Variants in SLC16A1 observed in about 807,000 individuals in gnomAD.
The protein encoded by SLC16A1 is solute carrier family 16 member 1, also known as monocarboxylate transporter 1.
SLC16A1 carries 11 observed loss-of-function variants against 32.2 expected under a neutral mutation model. The observed-to-expected ratio is 0.34, with a 90% confidence interval of 0.21 to 0.56. The LOEUF (loss-of-function observed/expected upper bound fraction) is 0.56, where lower values mean the gene tolerates loss of function less well. Among genes scored for constraint, SLC16A1 ranks in the 20% least tolerant of loss-of-function variants. The pLI is 0.87. For missense variants in SLC16A1, 435 were observed against 615.0 expected, an observed-to-expected ratio of 0.71 and a Z score of 3.10; for synonymous variants, 231 against 226.8, an observed-to-expected ratio of 1.02 and a Z score of -0.17.
intron 1 of SLC16A1, among the ~76,000 whole-genome samples, chr1:112,947,250 C>T (rs1034291202): frequency 5.9e-5 from 9 of 152,198 alleles, no homozygotes; most frequent in African/African-American, 1.9e-4. Flanking sequence ...TTTATTAACA[C>T]ATAACCTACC....
At chr1:112,925,769 A>G (rs1648917958) in intron 2 of SLC16A1, among the ~76,000 whole-genome samples, 3 of 152,240 alleles carry the variant, frequency 2.0e-5, no homozygotes, top group Non-Finnish European at 4.4e-5. Context: ...TTATCCAAAC[A>G]TAGAGTCTAT....
intron 3 of SLC16A1, among the ~76,000 whole-genome samples, chr1:112,919,989 C>T (rs1648664607): frequency 6.6e-6 from 1 of 152,098 alleles, no homozygotes; most frequent in Non-Finnish European, 1.5e-5. Flanking sequence ...AAGAGTGTAA[C>T]TGCCTGACTT....
chr1:112,927,497 G>A (rs2101632022), intron 2 of SLC16A1, among the ~76,000 whole-genome samples: 1 of 152,252 alleles, frequency 6.6e-6, no homozygotes, highest in African/African-American at 2.4e-5. Context: ...TTGTAAAAGT[G>A]ATGAAAACTA....
chr1:112,944,339 C>A (rs1428834725), intron 1 of SLC16A1, among the ~76,000 whole-genome samples: 1 of 152,126 alleles, frequency 6.6e-6, no homozygotes, highest in East Asian at 1.9e-4. Flanking sequence ...GTGGTCCCAG[C>A]TACATGGGAG....
At chr1:112,931,122 A>G (rs1649114037) in intron 1 of SLC16A1, among the ~76,000 whole-genome samples, 1 of 152,154 alleles carries the variant, frequency 6.6e-6, no homozygotes, top group Non-Finnish European at 1.5e-5. Context: ...GACTTAACAT[A>G]CTAGGAAGTG....
At chr1:112,933,767 TG>T (rs1649215553) in intron 1 of SLC16A1, among the ~76,000 whole-genome samples, 1 of 152,216 alleles carries the variant, frequency 6.6e-6, no homozygotes, top group Non-Finnish European at 1.5e-5. Flanking sequence ...ATAAAGCCAA[TG>T]GAACTCTCAT....
chr1:112,920,509 G>A (rs1011811047), intron 3 of SLC16A1, among the ~76,000 whole-genome samples: 4 of 152,162 alleles, frequency 2.6e-5, no homozygotes, highest in South Asian at 4.1e-4. Flanking sequence ...GGGAGGCTGC[G>A]GCAGGAGAAT....
chr1:112,952,579 T>C (rs1056530129), intron 1 of SLC16A1, among the ~76,000 whole-genome samples: 4 of 152,222 alleles, frequency 2.6e-5, no homozygotes, highest in African/African-American at 9.7e-5. Context: ...TCGAGAGTTA[T>C]CTTTCAGATA....
chr1:112,947,282 T>C (rs1170919606), intron 1 of SLC16A1, among the ~76,000 whole-genome samples: 3 of 152,236 alleles, frequency 2.0e-5, no homozygotes, highest in Middle Eastern at 3.2e-3. Context: ...TTTGAAGAAA[T>C]GTACTGGCTG....
chr1:112,925,198 ACC>A (rs1648896986), intron 2 of SLC16A1, among the ~76,000 whole-genome samples: 2 of 152,172 alleles, frequency 1.3e-5, no homozygotes, highest in African/African-American at 4.8e-5. Context: ...GTTTTTTGCG[ACC>A]AGTCTCCCTC....
At chr1:112,950,905 T>G (rs1243085600) in intron 1 of SLC16A1, among the ~76,000 whole-genome samples, 4 of 151,446 alleles carry the variant, frequency 2.6e-5, no homozygotes, top group Admixed American at 2.6e-4. Context: ...GAGGCTGAGG[T>G]GGCTCTGCTT....
chr1:112,942,455 G>A (rs577654938), intron 1 of SLC16A1, among the ~76,000 whole-genome samples: 2 of 152,240 alleles, frequency 1.3e-5, no homozygotes, highest in South Asian at 4.1e-4. Flanking sequence ...CCAGAGAATG[G>A]GATTTAACTA....
chr1:112,926,650 G>C (rs1648949920), intron 2 of SLC16A1, among the ~76,000 whole-genome samples: 1 of 152,160 alleles, frequency 6.6e-6, no homozygotes, highest in South Asian at 2.1e-4. Context: ...AAGGTGGGCA[G>C]ATTGTTTGAG....
intron 2 of SLC16A1, chr1:112,923,858 C>T: frequency 6.6e-7 from 1 of 1,515,204 alleles, no homozygotes; most frequent in Non-Finnish European, 9.2e-7. Flanking sequence ...TGTACCAGGG[C>T]ATGTACAACG....
intron 3 of SLC16A1, among the ~76,000 whole-genome samples, chr1:112,920,906 G>A (rs1333524037): frequency 6.6e-6 from 1 of 152,020 alleles, no homozygotes; most frequent in Non-Finnish European, 1.5e-5. Context: ...TTGGGAGGCC[G>A]AGGCAGGCGG....
chr1:112,924,597 C>CA (rs934126201), intron 2 of SLC16A1, among the ~76,000 whole-genome samples: 2 of 150,880 alleles, frequency 1.3e-5, no homozygotes, highest in African/African-American at 4.9e-5. Flanking sequence ...ACAACAACAA[C>CA]AAAAAAAAGA....
intron 2 of SLC16A1, among the ~76,000 whole-genome samples, chr1:112,928,690 C>T (rs529603005): frequency 1.2e-3 from 181 of 152,264 alleles, no homozygotes; most frequent in African/African-American, 4.2e-3. Context: ...CTGAACCATG[C>T]CATTCAGGCT....
rs1570616120 is a variant in SLC16A1, at chr1:112,913,676, T to C, written c.*215A>G. The C allele has an allele frequency of 3.3e-6, 2 of 606,016 alleles. No homozygotes were observed. The highest frequency in any genetic ancestry group is 2.8e-5 in the East Asian group (1 of 35,494). The allele number at this position is 606,016 out of a possible 1,614,324, so 37.5% of individuals were successfully genotyped here. ...TAAAACAAAACAAAACAGAACCTACTTCTTTCCCCCATCCTTTGCTACCAA... is the reference window on the plus strand; with the variant it reads ...TAAAACAAAACAAAACAGAACCTACCTCTTTCCCCCATCCTTTGCTACCAA... On this transcript the variant is annotated 3_prime_UTR_variant, in exon 5 of 5. Coordinates refer to ENST00000369626, the MANE Select transcript of SLC16A1 (RefSeq NM_003051.4).
intron 4 of SLC16A1, among the ~76,000 whole-genome samples, chr1:112,916,170 A>G (rs1294207472): frequency 1.6e-5 from 1 of 63,702 alleles, no homozygotes; most frequent in Admixed American, 2.3e-4. Context: ...ACTGAAATAA[A>G]CTTTTTTTTT....
Sources: gnomAD v4.1 joint callset for allele counts (sites outside exome capture counted in the v4.1 genomes callset) on GRCh38, gnomAD v4.1.1 for gene constraint, MANE v1.5 for transcripts, NCBI Gene and HGNC (gene_info 2026-07-23, HGNC 2026-07-21) for gene names.